The following CCDC28B variants were observed in gnomAD, a reference collection of about 807,000 sequenced individuals.
CCDC28B encodes coiled-coil domain containing 28B, also known as coiled-coil domain-containing protein 28B.
CCDC28B carries 17 observed loss-of-function variants against 18.7 expected under a neutral mutation model. That is an observed-to-expected ratio of 0.91 (90% CI 0.62 to 1.36). CCDC28B has a LOEUF of 1.36. CCDC28B is among the 40% of genes most tolerant of loss of function. CCDC28B has a pLI of 0.00. For synonymous variants in CCDC28B, 116 were observed against 105.1 expected (o/e 1.10, Z -0.64); for missense variants, 213 against 251.7 (o/e 0.85, Z 1.04).
chr1:32,200,347 C>G (rs993229542), upstream of CCDC28B: 4 of 152,524 alleles, frequency 2.6e-5, no homozygotes, highest in East Asian at 7.7e-4. Flanking sequence ...CACTCACTCA[C>G]TCTGTCTCTC....
At chr1:32,203,406 G>A (rs186406471) in intron 2 of CCDC28B, among the ~76,000 whole-genome samples, 4 of 151,914 alleles carry the variant, frequency 2.6e-5, no homozygotes, top group Admixed American at 6.5e-5. Flanking sequence ...GCAGTGAGCC[G>A]AGATCACACC....
upstream of CCDC28B, chr1:32,196,889 C>T (rs1216708924): frequency 6.6e-6 from 1 of 152,182 alleles, no homozygotes; most frequent in Non-Finnish European, 1.5e-5. Flanking sequence ...ACCATTTCTC[C>T]TTCTCCTGCC....
chr1:32,199,266 CTG>C (rs1024612715), upstream of CCDC28B, among the ~76,000 whole-genome samples: 2 of 152,226 alleles, frequency 1.3e-5, no homozygotes, highest in Non-Finnish European at 2.9e-5. Context: ...CCCACAATGA[CTG>C]TGACAGTCCC....
chr1:32,204,332 C>A lies in CCDC28B; in HGVS notation c.478C>A (p.Gln160Lys), dbSNP rs1553139012. ...GGTCACTGAGGGGCTGCCAGAGGAG[C>A]AGAAGAAGACAATGGCTGACCGTAA... ...DGVTEGLPEE[Q>K]KKTMADRNLD... The change falls in exon 4 of 6, where the codon CAG (glutamine) becomes AAG (lysine). Residue 160 changes from glutamine to lysine, a missense_variant. Coordinates refer to ENST00000373602, the MANE Select transcript of CCDC28B (RefSeq NM_024296.5). The A allele has an allele frequency of 1.6e-5, 26 of 1,606,228 alleles. No individual in the cohort carries two copies. Among genetic ancestry groups the A allele is most frequent in the Non-Finnish European group, 2.2e-5 (26 of 1,175,886 alleles).
At chr1:32,204,776 A>G in intron 5 of CCDC28B, 156 bp downstream of exon 5, 1 of 1,610,326 alleles carries the variant, frequency 6.2e-7, no homozygotes, top group Non-Finnish European at 8.5e-7. Flanking sequence ...AGGTACAGGA[A>G]TTTAGAATTT....
At chr1:32,199,858 C>A (rs1643111225), upstream of CCDC28B, among the ~76,000 whole-genome samples, 1 of 152,222 alleles carries the variant, frequency 6.6e-6, no homozygotes, top group Non-Finnish European at 1.5e-5. Flanking sequence ...GCGCCAGGAG[C>A]CTCTGCCAGG....
intron 2 of CCDC28B, 96 bp downstream of exon 2, chr1:32,202,195 C>A: frequency 6.9e-7 from 1 of 1,459,574 alleles, no homozygotes; most frequent in Non-Finnish European, 9.5e-7. Context: ...AGTTCCTAAG[C>A]AATAATTGAT....
rs1253502538 is a variant in CCDC28B at position 32,205,284 on chromosome 1, TCTTCAAA to T, written c.*39_*45del. The T allele has an allele frequency of 6.3e-7, 1 of 1,578,048 alleles. No homozygotes were observed. Among genetic ancestry groups the T allele is most frequent in the East Asian group, 2.3e-5 (1 of 43,242 alleles). On this transcript the variant is annotated 3_prime_UTR_variant, in exon 6 of 6. Transcript: ENST00000373602. This position sits in a 1 kb window ranked among gnomAD's most constrained non-coding sequence, Gnocchi z 5.6. ...CAGGCCCACACTGCCCCTCTCATTC[TCTTCAAA>T]CTGTGACTTTTTACAGACTCGGGCG...
At chr1:32,198,570 A>C (rs1372087292), upstream of CCDC28B, among the ~76,000 whole-genome samples, 2 of 152,214 alleles carry the variant, frequency 1.3e-5, no homozygotes, top group African/African-American at 4.8e-5. Context: ...CTCACAGGCT[A>C]GTGAAGGGAA....
chr1:32,202,812 T>G (rs1176890633), intron 2 of CCDC28B: 1 of 155,918 alleles, frequency 6.4e-6, no homozygotes, highest in Non-Finnish European at 1.4e-5. Flanking sequence ...TTCTATGTAT[T>G]TTTGTTTTTG....
chr1:32,203,881 T>C lies in CCDC28B; in HGVS notation c.167T>C (p.Val56Ala), dbSNP rs574977655. 1.2e-5 allele frequency: 18 copies of C among 1,496,144 alleles called. No individual in the cohort carries two copies. Among genetic ancestry groups the C allele is most frequent in the Non-Finnish European group, 1.4e-5 (16 of 1,122,780 alleles). The allele number at this position is 1,496,144 out of a possible 1,614,324, so 92.7% of individuals were successfully genotyped here. The part of the protein sequence containing the change: ...SPKQRAKFKR[V>A]GKEKCRPVLA... ...ATGGTCATGTCCACCCCACCCAGAG[T>C]AGGCAAAGAGAAGTGCCGCCCAGTC... The change falls in exon 3 of 6, where the codon GTA becomes GCA. Residue 56 changes from valine to alanine, a missense_variant and splice_region_variant. Val to Ala is a moderately conservative substitution (Grantham distance 64, BLOSUM62 0). Transcript: ENST00000373602.
chr1:32,201,892 G>C, intron 1 of CCDC28B, 21 bp from the exon 2 acceptor site: 1 of 1,537,206 alleles, frequency 6.5e-7, no homozygotes. Flanking sequence ...GGCTATCTTT[G>C]TGGGGTTGCT....
chr1:32,205,236 G>A lies in CCDC28B; in HGVS notation c.591G>A (p.Gln197=). The change falls in exon 6 of 6, where the codon CAG becomes CAA. Residue 197 remains glutamine, a synonymous_variant. Coordinates refer to ENST00000373602, the MANE Select transcript of CCDC28B (RefSeq NM_024296.5). This position sits in a 1 kb window ranked among gnomAD's most constrained non-coding sequence, Gnocchi z 5.6. ...CCGAGAACGCCGAGCCTGAGGAGCA[G>A]TCCGCTGCGTAGGCGTCCCACGCAG... The part of the protein sequence containing the change: ...HLAENAEPEE[Q]SAA 1 of 1,613,544 alleles carries A rather than the reference G, an allele frequency of 6.2e-7. No homozygotes were observed. The highest frequency in any genetic ancestry group is 8.5e-7 in the Non-Finnish European group (1 of 1,179,674).
chr1:32,201,046 T>TC (rs1160947390), intron 1 of CCDC28B, among the ~76,000 whole-genome samples: 1 of 125,850 alleles, frequency 7.9e-6, no homozygotes, highest in African/African-American at 3.0e-5. Context: ...ACCCCCCCAG[T>TC]CCCAGAATTC....
At position 32,203,328 on chromosome 1, in the gene CCDC28B, G is replaced by A. The variant is rs558404753; in HGVS notation, c.165-551G>A. 2.0e-5 allele frequency among the ~76,000 whole-genome samples: 3 copies of A among 151,868 alleles called. No homozygotes were observed. In the East Asian group the frequency reaches 5.8e-4, roughly 29 times the overall value. On this transcript the variant is annotated intron_variant, in intron 2 of 5. Transcript: ENST00000373602. ...AAAAAATTAGCAGGGCATAGTGGCAGGCGCCCATAATGCCAGCAACTTGGG... is the reference window on the plus strand; with the variant it reads ...AAAAAATTAGCAGGGCATAGTGGCAAGCGCCCATAATGCCAGCAACTTGGG...
chr1:32,205,159 C>CTGGTCCAAAGCG lies in CCDC28B; in HGVS notation c.549-34_549-23dup. ...TGGGAGACCGGGGTGGGAGGAAGGA[C>CTGGTCCAAAGCG]TGGTCCAAAGCGCCACGATCCTTGA... On this transcript the variant is annotated intron_variant, in intron 5 of 5. Coordinates refer to ENST00000373602, the MANE Select transcript of CCDC28B (RefSeq NM_024296.5). The surrounding 1 kb of genome is among the most constrained non-coding windows in gnomAD (Gnocchi z 5.6). The CTGGTCCAAAGCG allele has an allele frequency of 6.2e-7, 1 of 1,611,616 alleles. No individual in the cohort carries two copies. Among genetic ancestry groups the CTGGTCCAAAGCG allele is most frequent in the Non-Finnish European group, 8.5e-7 (1 of 1,178,526 alleles).
In CCDC28B at chr1:32,201,939, G is replaced by A; in HGVS notation, c.4G>A (p.Asp2Asn). The part of the protein sequence containing the change: M[D>N]DKKKKRSPKP... Reference sequence around the variant, plus strand: ...CCTGAGGCCCAGCCAGCGCCCAATGGATGACAAAAAGAAGAAACGGAGTCC... The same window carrying A: ...CCTGAGGCCCAGCCAGCGCCCAATGAATGACAAAAAGAAGAAACGGAGTCC... Residue 2 changes from aspartate (D) to asparagine (N), a missense_variant, in exon 2 of 6, where the codon GAT (aspartate) becomes AAT (asparagine). Transcript: ENST00000373602. 4.4e-6 allele frequency: 7 copies of A among 1,599,086 alleles called. No individual in the cohort carries two copies. The highest frequency in any genetic ancestry group is 6.0e-6 in the Non-Finnish European group (7 of 1,174,110).
At chr1:32,203,356 G>C (rs1643200233) in intron 2 of CCDC28B, among the ~76,000 whole-genome samples, 1 of 151,934 alleles carries the variant, frequency 6.6e-6, no homozygotes, top group Admixed American at 6.6e-5. Context: ...AACTTGGGAG[G>C]CTGAGGCAAG....
At chr1:32,200,849 C>T (rs1643131874) in intron 1 of CCDC28B, 140 bp downstream of exon 1, 1 of 152,248 alleles carries the variant, frequency 6.6e-6, no homozygotes, top group Non-Finnish European at 1.5e-5. Context: ...GATCCCCGGT[C>T]GCCCCAGCCG....
Sources: gnomAD v4.1 joint callset for allele counts (sites outside exome capture counted in the v4.1 genomes callset) on GRCh38, gnomAD v4.1.1 for gene constraint, Gnocchi (gnomAD v3.1) non-coding constraint, MANE v1.5 for transcripts, NCBI Gene and HGNC (gene_info 2026-07-23, HGNC 2026-07-21) for gene names.